The following RAD18 variants were observed in gnomAD, a reference collection of about 807,000 sequenced individuals.
RAD18 encodes RAD18 E3 ubiquitin protein ligase.
RAD18 carries 47 observed loss-of-function variants against 60.4 expected under a neutral mutation model. The observed-to-expected ratio is 0.78, with a 90% CI of 0.62 to 0.99. RAD18 has a LOEUF of 0.99. RAD18 is among the 50% of genes least tolerant of loss of function. The pLI, the probability that RAD18 is intolerant of heterozygous loss-of-function variation, is 0.00. For missense variants in RAD18, 640 were observed against 593.3 expected (o/e 1.08, Z -0.82); for synonymous variants, 225 against 195.5 (o/e 1.15, Z -1.26).
intron 11 of RAD18, among the ~76,000 whole-genome samples, chr3:8,893,937 G>A (rs1389147137): frequency 6.6e-6 from 1 of 151,942 alleles, no homozygotes; most frequent in Non-Finnish European, 1.5e-5. Flanking sequence ...TGATCCTCCC[G>A]CCTTGCTTGG....
intron 11 of RAD18, among the ~76,000 whole-genome samples, chr3:8,892,404 G>T (rs966199608): frequency 6.6e-6 from 1 of 152,150 alleles, no homozygotes; most frequent in South Asian, 2.1e-4. Flanking sequence ...ACGTGAGAAA[G>T]ACTCACTGGC....
intron 10 of RAD18, among the ~76,000 whole-genome samples, chr3:8,901,318 A>C (rs1264535929): frequency 6.6e-6 from 1 of 152,154 alleles, no homozygotes; most frequent in Non-Finnish European, 1.5e-5. Flanking sequence ...CAGAAATCGC[A>C]CTCTAAGCTG....
intron 12 of RAD18, among the ~76,000 whole-genome samples, chr3:8,889,180 A>C (rs541499710): frequency 2.0e-5 from 3 of 152,216 alleles, no homozygotes; most frequent in Non-Finnish European, 1.5e-5. Context: ...TCAACTGCAC[A>C]GCAAGCCTCT....
At position 8,937,610 on chromosome 3, in the gene RAD18, T is replaced by G. The variant is rs187630294; in HGVS notation, c.705-1555A>C. ...GCCTTTTCTCTATGACCTGACTCCG[T>G]GGCCAAGATACAACTAAAGAAGAAC... is the stretch of plus-strand genomic sequence containing the variant. On this transcript the variant is annotated intron_variant, in intron 6 of 12. Coordinates refer to ENST00000264926, the MANE Select transcript of RAD18 (RefSeq NM_020165.4). Among the ~76,000 whole-genome samples the G allele has an allele frequency of 5.7e-4, 86 of 152,050 alleles. No individual in the cohort carries two copies. The South Asian group carries it at 6.6e-3, about 12-fold the overall frequency.
chr3:8,961,764 C>T (rs182371909), intron 1 of RAD18, among the ~76,000 whole-genome samples: 53 of 152,266 alleles, frequency 3.5e-4, no homozygotes, highest in Non-Finnish European at 6.0e-4. Flanking sequence ...ACTCACTGAA[C>T]GCTCTGTGGT....
chr3:8,904,202 T>A (rs1483229224), intron 9 of RAD18, among the ~76,000 whole-genome samples: 1 of 152,234 alleles, frequency 6.6e-6, no homozygotes, highest in Non-Finnish European at 1.5e-5. Context: ...GATCACCTCA[T>A]AATATCAGTC....
chr3:8,889,447 G>A (rs1386131569), intron 12 of RAD18, among the ~76,000 whole-genome samples: 2 of 152,140 alleles, frequency 1.3e-5, no homozygotes, highest in Non-Finnish European at 2.9e-5. Flanking sequence ...TAACTTATAA[G>A]CCAGTGGGAG....
At chr3:8,951,844 G>A (rs1940930585) in intron 2 of RAD18, among the ~76,000 whole-genome samples, 1 of 152,194 alleles carries the variant, frequency 6.6e-6, no homozygotes, top group South Asian at 2.1e-4. Flanking sequence ...GAGGCTAAAA[G>A]TCCAAGATCA....
At chr3:8,895,195 T>C (rs1368261986) in intron 11 of RAD18, among the ~76,000 whole-genome samples, 4 of 151,960 alleles carry the variant, frequency 2.6e-5, no homozygotes, top group African/African-American at 9.6e-5. Flanking sequence ...AGTTCATAAA[T>C]ATTCCCACAA....
chr3:8,896,130 G>A (rs550400850), intron 11 of RAD18, among the ~76,000 whole-genome samples: 1 of 152,106 alleles, frequency 6.6e-6, no homozygotes. Flanking sequence ...AAAACCCCCA[G>A]AACCAGGGTT....
At chr3:8,899,377 C>G (rs529249192) in intron 10 of RAD18, among the ~76,000 whole-genome samples, 1 of 152,154 alleles carries the variant, frequency 6.6e-6, no homozygotes, top group East Asian at 1.9e-4. Flanking sequence ...TCAGAGAACA[C>G]TGACAAACCA....
intron 1 of RAD18, among the ~76,000 whole-genome samples, chr3:8,960,812 G>C (rs1486903060): frequency 6.6e-6 from 1 of 152,074 alleles, no homozygotes; most frequent in Non-Finnish European, 1.5e-5. Context: ...GTTAAACACT[G>C]GTTCTCTGGG....
intron 7 of RAD18, among the ~76,000 whole-genome samples, chr3:8,914,673 A>C (rs1275452811): frequency 6.6e-6 from 1 of 152,176 alleles, no homozygotes; most frequent in Non-Finnish European, 1.5e-5. Flanking sequence ...TAAAATCAGT[A>C]GAAACAATGT....
At chr3:8,915,297 T>G (rs1037204192) in intron 7 of RAD18, among the ~76,000 whole-genome samples, 1 of 152,138 alleles carries the variant, frequency 6.6e-6, no homozygotes, top group Non-Finnish European at 1.5e-5. Flanking sequence ...GCGGGATAAC[T>G]TATAAAACTA....
chr3:8,882,131 A>G (rs1487132453), intron 12 of RAD18, among the ~76,000 whole-genome samples: 1 of 109,850 alleles, frequency 9.1e-6, no homozygotes, highest in Non-Finnish European at 1.9e-5. Context: ...TACGGGGGAC[A>G]GGAAGAAGTC....
chr3:8,889,718 T>A (rs535772718), intron 12 of RAD18, among the ~76,000 whole-genome samples: 2 of 152,126 alleles, frequency 1.3e-5, no homozygotes, highest in African/African-American at 2.4e-5. Context: ...AAGAGATGAG[T>A]CTGGAGAAAG....
intron 12 of RAD18, among the ~76,000 whole-genome samples, chr3:8,886,072 T>C (rs1252963273): frequency 6.6e-6 from 1 of 152,238 alleles, no homozygotes; most frequent in East Asian, 1.9e-4. Context: ...TAACATTGTT[T>C]ATCTCAAGGC....
intron 10 of RAD18, among the ~76,000 whole-genome samples, chr3:8,901,523 T>G (rs1352311819): frequency 6.6e-6 from 1 of 152,206 alleles, no homozygotes; most frequent in Non-Finnish European, 1.5e-5. Context: ...GAAAACATTA[T>G]GCTTAGAGAA....
intron 11 of RAD18, among the ~76,000 whole-genome samples, chr3:8,898,057 G>A (rs1490851755): frequency 6.6e-6 from 1 of 152,032 alleles, no homozygotes; most frequent in Non-Finnish European, 1.5e-5. Flanking sequence ...GGGCAACAGA[G>A]TGAGACTCCG....
Sources: allele counts gnomAD v4.1 joint callset (sites outside exome capture counted in the v4.1 genomes callset), GRCh38; gene constraint gnomAD v4.1.1; transcripts MANE v1.5; gene names NCBI Gene and HGNC (gene_info 2026-07-23, HGNC 2026-07-21).